The following GALNT15 variants were observed in gnomAD, a reference collection of about 807,000 sequenced individuals.
GALNT15 encodes the protein polypeptide N-acetylgalactosaminyltransferase 15.
Under a neutral mutation model 66.8 loss-of-function variants are expected in GALNT15, and 67 were observed. The observed-to-expected ratio is 1.00, with a 90% CI of 0.82 to 1.23. The LOEUF is 1.23. Among genes scored for constraint, GALNT15 ranks in the 50% most tolerant of loss-of-function variants. GALNT15 has a pLI of 0.00. For synonymous variants in GALNT15, 313 were observed against 311.5 expected, an observed-to-expected ratio of 1.00 and a Z score of -0.05; for missense variants, 827 against 804.3, an observed-to-expected ratio of 1.03 and a Z score of -0.34.
In GALNT15 at chr3:16,189,460, C is replaced by G. The variant is rs144075937; in HGVS notation, c.540-6300C>G. On this transcript the variant is annotated intron_variant, in intron 1 of 9. Coordinates refer to ENST00000339732, the MANE Select transcript of GALNT15 (RefSeq NM_054110.5). This position sits in a 1 kb window ranked among gnomAD's most constrained non-coding sequence, Gnocchi z 5.1. Reference sequence around the variant, plus strand: ...TTATTCCCAGAATACCAGCCCAGTTCCTCTGCTATGTTGAAGGACATCCTC... The same window carrying G: ...TTATTCCCAGAATACCAGCCCAGTTGCTCTGCTATGTTGAAGGACATCCTC... Among the ~76,000 whole-genome samples the G allele has an allele frequency of 1.3e-4, 20 of 152,348 alleles. No homozygotes were observed. In the East Asian group the frequency reaches 3.9e-3, roughly 29 times the overall value.
downstream of GALNT15, among the ~76,000 whole-genome samples, chr3:16,232,897 A>G (rs923903267): frequency 6.6e-6 from 1 of 151,732 alleles, no homozygotes; most frequent in African/African-American, 2.4e-5. Context: ...CTCCTAGGCA[A>G]TGCTGATGCT....
chr3:16,243,228 G>A, the GALNT15 span, among the ~76,000 whole-genome samples: 1 of 152,260 alleles, frequency 6.6e-6, no homozygotes, highest in Non-Finnish European at 1.5e-5. Context: ...TGGAGAGGGT[G>A]GGGCTTGACC....
At chr3:16,179,943 G>C (rs2063451875) in intron 1 of GALNT15, among the ~76,000 whole-genome samples, 1 of 152,220 alleles carries the variant, frequency 6.6e-6, no homozygotes, top group Non-Finnish European at 1.5e-5. Context: ...CTGTAGCACG[G>C]ATGGTTTTCA....
chr3:16,232,512 T>TATATATATA (rs56354612), downstream of GALNT15, among the ~76,000 whole-genome samples: 667 of 39,820 alleles, frequency 0.017, 113 homozygotes, highest in South Asian at 0.021. Flanking sequence ...ATATATATAT[T>TATATATATA]TATTTAAAAG....
At chr3:16,215,376 A>G (rs1344908248) in intron 6 of GALNT15, among the ~76,000 whole-genome samples, 1 of 152,208 alleles carries the variant, frequency 6.6e-6, no homozygotes, top group Non-Finnish European at 1.5e-5. Flanking sequence ...TCATTCTATA[A>G]AACAGAAAAC....
chr3:16,234,360 C>T (rs1356870655), downstream of GALNT15, among the ~76,000 whole-genome samples: 3 of 151,972 alleles, frequency 2.0e-5, no homozygotes, highest in Non-Finnish European at 4.4e-5. Context: ...AAGAAGACTG[C>T]TTTATGATGT....
intron 8 of GALNT15, among the ~76,000 whole-genome samples, chr3:16,222,127 A>G (rs781534865): frequency 3.9e-5 from 6 of 152,206 alleles, no homozygotes; most frequent in Admixed American, 1.3e-4. Flanking sequence ...CCTCACAGTT[A>G]AAGCCCCTCT....
rs935607540 is a variant in GALNT15, at chr3:16,174,722, C to T, written c.-430C>T. On this transcript the variant is annotated 5_prime_UTR_variant, in exon 1 of 10. It adds an upstream start codon to the 5' untranslated region. Coordinates refer to ENST00000339732, the MANE Select transcript of GALNT15 (RefSeq NM_054110.5). This position sits in a 1 kb window ranked among gnomAD's most constrained non-coding sequence, Gnocchi z 4.7. ...CTGACTGGAAGCGTCCAAAGAGGGA[C>T]GGCTGTCAGCCCTGCTTGACTGAGA... 6 of 182,816 alleles carry T rather than the reference C, an allele frequency of 3.3e-5. No individual in the cohort carries two copies. In the East Asian group the frequency reaches 3.9e-4, roughly 12 times the overall value. 11.3% of individuals were successfully genotyped at this position (182,816 alleles called of 1,614,324 possible).
At chr3:16,208,696 T>A (rs2124883047) in intron 4 of GALNT15, 26 bp downstream of exon 4, 1 of 1,608,136 alleles carries the variant, frequency 6.2e-7, no homozygotes, top group South Asian at 1.1e-5. Flanking sequence ...ACACCTGCTT[T>A]GCCATTGCCT....
rs1464414192 is a variant in GALNT15 at position 16,222,723 on chromosome 3, C to T, written c.1738C>T (p.Leu580=). Residue 580 remains leucine, a synonymous_variant, in exon 9 of 10, where the codon CTG becomes TTG. Transcript: ENST00000339732. ...TCTTCAGAACTGCACGGAGGAAGGCCTGGCCATCCACCAGCAGCACTGGGA... is the reference window on the plus strand; with the variant it reads ...TCTTCAGAACTGCACGGAGGAAGGCTTGGCCATCCACCAGCAGCACTGGGA... ...VILQNCTEEG[L]AIHQQHWDFQ... is the part of the protein sequence containing the mutation. 1 of 1,614,212 alleles carries T rather than the reference C, an allele frequency of 6.2e-7. No homozygotes were observed. The highest frequency in any genetic ancestry group is 2.2e-5 in the East Asian group (1 of 44,888).
At chr3:16,216,037 G>C (rs1480087174) in intron 6 of GALNT15, among the ~76,000 whole-genome samples, 2 of 152,134 alleles carry the variant, frequency 1.3e-5, no homozygotes, top group Non-Finnish European at 2.9e-5. Context: ...TCCAATGCCT[G>C]GTTGAATCCC....
At chr3:16,247,461 A>T in the GALNT15 span, among the ~76,000 whole-genome samples, 1 of 152,236 alleles carries the variant, frequency 6.6e-6, no homozygotes, top group Non-Finnish European at 1.5e-5. Flanking sequence ...TGAGCGCCGC[A>T]GCCCTAATTG....
Position 16,227,137 on chromosome 3 carries a change from T to C in GALNT15, c.1774-217T>C, listed in dbSNP as rs144125502. Among the ~76,000 whole-genome samples, 3 of 152,352 alleles carry C rather than the reference T, an allele frequency of 2.0e-5. No homozygotes were observed. Among genetic ancestry groups the C allele is most frequent in the East Asian group, 3.9e-4 (2 of 5,192 alleles). Reference sequence around the variant, plus strand: ...TGCAATTACACAACTACAATAAAGATAATTGGATTAGTTACCCCTAAGGTT... The same window carrying C: ...TGCAATTACACAACTACAATAAAGACAATTGGATTAGTTACCCCTAAGGTT... On this transcript the variant is annotated intron_variant, in intron 9 of 9. Transcript: ENST00000339732. The surrounding 1 kb of genome is among the most constrained non-coding windows in gnomAD (Gnocchi z 4.5).
rs573931762 is a variant in GALNT15, at chr3:16,184,229, G to A, written c.539+8539G>A. On this transcript the variant is annotated intron_variant, in intron 1 of 9. Transcript: ENST00000339732. The surrounding 1 kb of genome is among the most constrained non-coding windows in gnomAD (Gnocchi z 5.0). ...AAACCGAGATAGTAAAATATTCACC[G>A]GATATTTCGTTGAAGCAGAGAAGTT... Among the ~76,000 whole-genome samples the A allele has an allele frequency of 1.1e-4, 17 of 152,270 alleles. No individual in the cohort carries two copies. The highest frequency in any genetic ancestry group is 1.9e-4 in the East Asian group (1 of 5,186).
At position 16,195,523 on chromosome 3, in the gene GALNT15, G is replaced by A. The variant is rs903747143; in HGVS notation, c.540-237G>A. On this transcript the variant is annotated intron_variant, in intron 1 of 9. Coordinates refer to ENST00000339732, the MANE Select transcript of GALNT15 (RefSeq NM_054110.5). The surrounding 1 kb of genome is among the most constrained non-coding windows in gnomAD (Gnocchi z 4.6). The stretch of plus-strand genomic sequence containing the variant: ...GACGGCAACGCTTCTCAATTGCAAT[G>A]AGAGGGACTTTGGATTAAATGATAA... 9.9e-5 allele frequency among the ~76,000 whole-genome samples: 15 copies of A among 152,218 alleles called. No individual in the cohort carries two copies. The highest frequency in any genetic ancestry group is 2.2e-4 in the Non-Finnish European group (15 of 68,044).
chr3:16,212,451 C>A (rs182370588), intron 5 of GALNT15, 118 bp from the exon 6 acceptor site: 5 of 899,930 alleles, frequency 5.6e-6, no homozygotes, highest in South Asian at 1.8e-5. Context: ...ATCATCTTCA[C>A]CATTGAGTGC....
rs1365833252 is a variant in GALNT15, at chr3:16,186,602, A to G, written c.540-9158A>G. 6.6e-6 allele frequency among the ~76,000 whole-genome samples: 1 copy of G among 152,270 alleles called. No homozygotes were observed. Among genetic ancestry groups the G allele is most frequent in the Non-Finnish European group, 1.5e-5 (1 of 68,046 alleles). On this transcript the variant is annotated intron_variant, in intron 1 of 9. Coordinates refer to ENST00000339732, the MANE Select transcript of GALNT15 (RefSeq NM_054110.5). This position sits in a 1 kb window ranked among gnomAD's most constrained non-coding sequence, Gnocchi z 5.1. ...ATATTCAAACAATGAAATATTAGGC[A>G]GTAAAAAGAAATGAAGTACTGATAT...
At chr3:16,218,356 T>C (rs1330585019) in intron 6 of GALNT15, among the ~76,000 whole-genome samples, 1 of 152,190 alleles carries the variant, frequency 6.6e-6, no homozygotes, top group Non-Finnish European at 1.5e-5. Context: ...AAGGGTTCTC[T>C]CTTTTTTTGT....
rs919143354 is a variant in GALNT15, at chr3:16,225,805, G to A, written c.1774-1549G>A. 6.6e-6 allele frequency among the ~76,000 whole-genome samples: 1 copy of A among 152,040 alleles called. No homozygotes were observed. Among genetic ancestry groups the A allele is most frequent in the Admixed American group, 6.5e-5 (1 of 15,268 alleles). On this transcript the variant is annotated intron_variant, in intron 9 of 9. Transcript: ENST00000339732. The surrounding 1 kb of genome is among the most constrained non-coding windows in gnomAD (Gnocchi z 4.4). ...GGTGCCCAACACTTTGAGAGGCAGA[G>A]GTGGGTGGATCACTTGAGGTCAGGA...
Sources: gnomAD v4.1 joint callset for allele counts (sites outside exome capture counted in the v4.1 genomes callset) on GRCh38, gnomAD v4.1.1 for gene constraint, Gnocchi (gnomAD v3.1) non-coding constraint, MANE v1.5 for transcripts, NCBI Gene and HGNC (gene_info 2026-07-23, HGNC 2026-07-21) for gene names.